Variants in CKAP5 observed in about 807,000 individuals in gnomAD.
CKAP5 encodes cytoskeleton associated protein 5.
A neutral mutation model predicts 232.8 loss-of-function variants in CKAP5; 27 were observed. The ratio of observed to expected loss-of-function variants is 0.12; its 90% CI spans 0.09 to 0.16. The LOEUF (loss-of-function observed/expected upper bound fraction) is 0.16, where lower values mean the gene tolerates loss of function less well. Among genes scored for constraint, CKAP5 ranks in the 10% least tolerant of loss-of-function variants. The probability of loss-of-function intolerance (pLI) is 1.00; values close to 1 mark genes in which losing one functional copy is unlikely to be tolerated. For synonymous variants in CKAP5, 785 were observed against 841.1 expected (o/e 0.93, Z 1.16); for missense variants, 1,838 against 2,424.7 (o/e 0.76, Z 5.08).
chr11:46,763,738 C>T (rs993398625), intron 28 of CKAP5, 108 bp from the exon 29 acceptor site: 20 of 669,556 alleles, frequency 3.0e-5, no homozygotes, highest in Non-Finnish European at 4.2e-5. Context: ...AAAAATTCAA[C>T]AATATTCATT....
At chr11:46,778,705 A>AC in intron 20 of CKAP5, 106 bp from the exon 21 acceptor site, 6 of 853,898 alleles carry the variant, frequency 7.0e-6, no homozygotes, top group Non-Finnish European at 1.1e-5. Context: ...TGTAATACCT[A>AC]TTTACACAGT....
Position 46,754,940 on chromosome 11 carries a change from T to C in CKAP5, c.4817A>G (p.Glu1606Gly). Residue 1606 changes from glutamate to glycine, a missense_variant, in exon 36 of 44, where the codon GAG (glutamate) becomes GGG (glycine). Physicochemically the swap from Glu to Gly is moderately conservative, Grantham distance 98. Coordinates refer to ENST00000529230, the MANE Select transcript of CKAP5 (RefSeq NM_001008938.4). ...YNTHMADEKL[E>G]KDEIIKLYSC... ...ATACAACTTGATGATCTCGTCCTTCTCCAATTTCTCATCTGCCATGTGTGT... is the reference window on the plus strand; with the variant it reads ...ATACAACTTGATGATCTCGTCCTTCCCCAATTTCTCATCTGCCATGTGTGT... The C allele has an allele frequency of 6.2e-7, 1 of 1,613,946 alleles. No homozygotes were observed. The highest frequency in any genetic ancestry group is 8.5e-7 in the Non-Finnish European group (1 of 1,179,908).
intron 16 of CKAP5, among the ~76,000 whole-genome samples, chr11:46,787,850 G>A (rs1029160851): frequency 5.5e-4 from 84 of 152,114 alleles, no homozygotes; most frequent in African/African-American, 1.7e-3. Flanking sequence ...ACTTATGCAT[G>A]AATTTTCTTC....
Position 46,752,628 on chromosome 11 carries a change from A to G in CKAP5, c.5133+7T>C. Reference sequence around the variant, plus strand: ...AAAGAAAAGAGATCAAATCATTTCAACTTCACCTTCATAACAAGCTCTGAG... The same window carrying G: ...AAAGAAAAGAGATCAAATCATTTCAGCTTCACCTTCATAACAAGCTCTGAG... On this transcript the variant is annotated splice_region_variant and intron_variant, in intron 38 of 43. Coordinates refer to ENST00000529230, the MANE Select transcript of CKAP5 (RefSeq NM_001008938.4). The G allele has an allele frequency of 6.2e-7, 1 of 1,606,842 alleles. No individual in the cohort carries two copies. The highest frequency in any genetic ancestry group is 8.5e-7 in the Non-Finnish European group (1 of 1,174,302).
chr11:46,838,501 G>A (rs1472476052), intron 1 of CKAP5, among the ~76,000 whole-genome samples: 4 of 151,290 alleles, frequency 2.6e-5, no homozygotes, highest in Non-Finnish European at 4.4e-5. Context: ...AGCCAGACAC[G>A]GTGGCTCACG....
At chr11:46,761,565 G>A (rs1245656034) in intron 32 of CKAP5, among the ~76,000 whole-genome samples, 2 of 152,178 alleles carry the variant, frequency 1.3e-5, no homozygotes, top group Non-Finnish European at 2.9e-5. Flanking sequence ...GAGGTCAGAG[G>A]CAGAACCTAA....
chr11:46,759,523 A>G (rs1373938182), intron 33 of CKAP5, 81 bp from the exon 34 acceptor site: 18 of 1,378,684 alleles, frequency 1.3e-5, no homozygotes, highest in Non-Finnish European at 1.8e-5. Context: ...AGTTGCCCCA[A>G]AGCTTCAGGA....
At chr11:46,790,805 C>G (rs1360962739) in intron 13 of CKAP5, among the ~76,000 whole-genome samples, 1 of 151,980 alleles carries the variant, frequency 6.6e-6, no homozygotes, top group Non-Finnish European at 1.5e-5. Context: ...TGCTACCATG[C>G]CTGGCTAATT....
chr11:46,800,325 T>A (rs1286715765), intron 9 of CKAP5, among the ~76,000 whole-genome samples: 1 of 152,214 alleles, frequency 6.6e-6, no homozygotes. Flanking sequence ...GAGATTATTT[T>A]TAATGCTATG....
In CKAP5 at chr11:46,821,155, G is replaced by T. The variant is rs1437947169; in HGVS notation, c.57+20C>A. The T allele has an allele frequency of 6.3e-7, 1 of 1,594,224 alleles. No individual in the cohort carries two copies. On this transcript the variant is annotated intron_variant, in intron 2 of 43. Coordinates refer to ENST00000529230, the MANE Select transcript of CKAP5 (RefSeq NM_001008938.4). ...AAACAAGCCAACGACACTGAAAATC[G>T]AATTCCAGAAGAATCTTACCTTGTG... is the stretch of plus-strand genomic sequence containing the variant.
intron 32 of CKAP5, 22 bp from the exon 33 acceptor site, chr11:46,760,806 A>C: frequency 6.2e-7 from 1 of 1,604,688 alleles, no homozygotes; most frequent in Non-Finnish European, 8.5e-7. Flanking sequence ...CCAAATTTAG[A>C]AACCTAACTG....
intron 35 of CKAP5, among the ~76,000 whole-genome samples, chr11:46,757,771 A>G (rs987127551): frequency 6.6e-6 from 1 of 151,212 alleles, no homozygotes; most frequent in Non-Finnish European, 1.5e-5. Context: ...TATTTTTAGT[A>G]GAGACGGGGT....
At chr11:46,831,126 A>AT (rs952837342) in intron 1 of CKAP5, among the ~76,000 whole-genome samples, 1 of 152,030 alleles carries the variant, frequency 6.6e-6, no homozygotes, top group Non-Finnish European at 1.5e-5. Context: ...AAGCAAAGAA[A>AT]TTTTTTTGAA....
At position 46,763,509 on chromosome 11, in the gene CKAP5, T is replaced by C. The variant is rs753025895; in HGVS notation, c.3659A>G (p.His1220Arg). The change falls in exon 29 of 44, where the codon CAT becomes CGT. Residue 1220 changes from histidine to arginine, a missense_variant. His to Arg is a conservative substitution (Grantham distance 29, BLOSUM62 0). Around this residue, in one of 6 missense-constraint regions of CKAP5, gnomAD observed 48 missense variants for 98.1 expected, o/e 0.49. Coordinates refer to ENST00000529230, the MANE Select transcript of CKAP5 (RefSeq NM_001008938.4). ...AACCATAACAGCAAGGGCTTTGTTATGATGCTGAAAGTCTGAGTGAAACAT... is the reference window on the plus strand; with the variant it reads ...AACCATAACAGCAAGGGCTTTGTTACGATGCTGAAAGTCTGAGTGAAACAT... Reference protein sequence around the residue: ...DEMFHSDFQHHNKALAVMVDH... With the variant: ...DEMFHSDFQHRNKALAVMVDH... 6.2e-7 allele frequency: 1 copy of C among 1,602,516 alleles called. No individual in the cohort carries two copies.
At chr11:46,836,979 A>C (rs1457974787) in intron 1 of CKAP5, among the ~76,000 whole-genome samples, 3 of 152,224 alleles carry the variant, frequency 2.0e-5, no homozygotes, top group African/African-American at 7.2e-5. Flanking sequence ...AATCTATATT[A>C]CAGATGTGTG....
chr11:46,792,603 A>G (rs574534298), intron 13 of CKAP5, among the ~76,000 whole-genome samples: 1 of 152,166 alleles, frequency 6.6e-6, no homozygotes, highest in Non-Finnish European at 1.5e-5. Context: ...CAAACAAAAA[A>G]GACAGAATTA....
intron 24 of CKAP5, among the ~76,000 whole-genome samples, chr11:46,773,648 T>C (rs1404176094): frequency 6.6e-6 from 1 of 151,986 alleles, no homozygotes; most frequent in Admixed American, 6.6e-5. Context: ...ATTCAAGCGA[T>C]TCTCCTGCCT....
chr11:46,778,087 C>A, intron 22 of CKAP5, 52 bp downstream of exon 22: 1 of 1,477,430 alleles, frequency 6.8e-7, no homozygotes, highest in Non-Finnish European at 9.2e-7. Flanking sequence ...AAAGGTAACT[C>A]CTGCAGCAGT....
chr11:46,811,487 T>C (rs1299034115), intron 4 of CKAP5, among the ~76,000 whole-genome samples: 1 of 152,208 alleles, frequency 6.6e-6, no homozygotes, highest in Non-Finnish European at 1.5e-5. Flanking sequence ...CCTTTTTTTT[T>C]CTTTTTCAGA....
Sources: gnomAD v4.1 joint callset for allele counts (sites outside exome capture counted in the v4.1 genomes callset) on GRCh38, gnomAD v4.1.1 for gene constraint, gnomAD v4.1.1 regional missense constraint, MANE v1.5 for transcripts, NCBI Gene and HGNC (gene_info 2026-07-23, HGNC 2026-07-21) for gene names.